Variants in ADAP2 observed in about 807,000 individuals in gnomAD.
ADAP2 encodes the protein arf-GAP with dual PH domain-containing protein 2.
In ADAP2, 42 loss-of-function variants were observed where a neutral mutation model predicts 54.9. The observed-to-expected ratio is 0.77, with a 90% CI of 0.60 to 0.99. The LOEUF (loss-of-function observed/expected upper bound fraction) is 0.99. ADAP2 is among the 50% of genes least tolerant of loss of function. ADAP2 has a pLI of 0.00. For missense variants in ADAP2, 429 were observed against 480.4 expected (o/e 0.89, Z 1.00); for synonymous variants, 177 against 180.1 (o/e 0.98, Z 0.14).
intron 5 of ADAP2, among the ~76,000 whole-genome samples, chr17:30,944,572 G>A (rs1912512058): frequency 6.6e-6 from 1 of 152,162 alleles, no homozygotes; most frequent in Admixed American, 6.5e-5. Context: ...CCACTCTCCT[G>A]CCTCAGTCTT....
chr17:30,939,450 G>T (rs1311517510), intron 5 of ADAP2, among the ~76,000 whole-genome samples: 1 of 114,134 alleles, frequency 8.8e-6, no homozygotes, highest in South Asian at 2.7e-4. Context: ...AAAAAAAAAA[G>T]CCCCAAGCTC....
chr17:30,934,567 A>G (rs1384779573), intron 5 of ADAP2, among the ~76,000 whole-genome samples: 1 of 152,228 alleles, frequency 6.6e-6, no homozygotes, highest in Non-Finnish European at 1.5e-5. Flanking sequence ...CACTTAAGAA[A>G]CATTTATTGA....
At chr17:30,932,789 C>G (rs1358905458) in intron 4 of ADAP2, among the ~76,000 whole-genome samples, 1 of 151,510 alleles carries the variant, frequency 6.6e-6, no homozygotes. Flanking sequence ...AGGCTGGTCT[C>G]GAACTCCTGA....
chr17:30,923,446 G>GT (rs1490235073), intron 2 of ADAP2, among the ~76,000 whole-genome samples: 1 of 151,190 alleles, frequency 6.6e-6, no homozygotes, highest in East Asian at 2.0e-4. Context: ...TTTGTACTTA[G>GT]TAGAGACGGG....
intron 2 of ADAP2, among the ~76,000 whole-genome samples, chr17:30,924,875 GT>G (rs369584931): frequency 2.0e-3 from 273 of 137,966 alleles, no homozygotes; most frequent in African/African-American, 5.3e-3. Flanking sequence ...TGTTTTTTTT[GT>G]TTTTTTTTTT....
chr17:30,932,895 G>A (rs1420165986), intron 4 of ADAP2, among the ~76,000 whole-genome samples: 1 of 152,114 alleles, frequency 6.6e-6, no homozygotes, highest in Non-Finnish European at 1.5e-5. Flanking sequence ...ATTGCAGAAA[G>A]ACTCCTCCAC....
chr17:30,954,151 AG>A (rs1904886199), intron 8 of ADAP2: 3 of 227,714 alleles, frequency 1.3e-5, no homozygotes, highest in Non-Finnish European at 2.7e-5. Context: ...CTTGCCAAGC[AG>A]TAGCCACTTC....
At chr17:30,943,142 G>T (rs1028984248) in intron 5 of ADAP2, among the ~76,000 whole-genome samples, 5 of 152,206 alleles carry the variant, frequency 3.3e-5, no homozygotes, top group African/African-American at 1.2e-4. Flanking sequence ...GAGGCCGGCG[G>T]ATCACCTGAG....
At position 30,944,940 on chromosome 17, in the gene ADAP2, G is replaced by A; in HGVS notation, c.544G>A (p.Asp182Asn). The A allele has an allele frequency of 6.2e-7, 1 of 1,614,092 alleles. No homozygotes were observed. Among genetic ancestry groups the A allele is most frequent in the Non-Finnish European group, 8.5e-7 (1 of 1,180,020 alleles). ...CCCCAAAGCTGTCATCAGCATTAAGGACTTGAATGCCACCTTCCAGACAGA... is the reference window on the plus strand; with the variant it reads ...CCCCAAAGCTGTCATCAGCATTAAGAACTTGAATGCCACCTTCCAGACAGA... ...KSPKAVISIK[D>N]LNATFQTEKI... Residue 182 changes from aspartate to asparagine, a missense_variant, in exon 6 of 11, where the codon GAC becomes AAC. Asp to Asn is a conservative substitution (Grantham distance 23, BLOSUM62 1). Coordinates refer to ENST00000330889, the MANE Select transcript of ADAP2 (RefSeq NM_018404.3).
intron 5 of ADAP2, among the ~76,000 whole-genome samples, chr17:30,939,272 G>C (rs1055868725): frequency 2.0e-5 from 3 of 152,046 alleles, no homozygotes; most frequent in African/African-American, 7.2e-5. Context: ...TCAGTCCTAC[G>C]CCAGTTCAGT....
intron 9 of ADAP2, among the ~76,000 whole-genome samples, chr17:30,955,355 A>T (rs1427178602): frequency 6.6e-6 from 1 of 151,912 alleles, no homozygotes; most frequent in Non-Finnish European, 1.5e-5. Context: ...AGACAGGAGG[A>T]TCGCTTGAGC....
intron 5 of ADAP2, among the ~76,000 whole-genome samples, chr17:30,944,301 A>G (rs6505220): frequency 6.6e-6 from 1 of 151,974 alleles, no homozygotes; most frequent in Non-Finnish European, 1.5e-5. Context: ...ATGTTCTAAC[A>G]TATAAATGGA....
In ADAP2 at chr17:30,949,748, C is replaced by CAAA. The variant is rs34131343; in HGVS notation, c.741+397_741+399dup. ...TGGGTGACAGAGTGAGACTCCGTCT[C>CAAA]AAAAAAAAAAAAAAAAAAAAAGAAG... is the stretch of plus-strand genomic sequence containing the variant. On this transcript the variant is annotated intron_variant, in intron 7 of 10. Transcript: ENST00000330889. Among the ~76,000 whole-genome samples the CAAA allele has an allele frequency of 8.1e-3, 493 of 61,156 alleles. 9 individuals are homozygous for CAAA. Among genetic ancestry groups the CAAA allele is most frequent in the African/African-American group, 0.021 (442 of 20,960 alleles). The allele number at this position is 61,156 out of a possible 152,430, so 40.1% of individuals were successfully genotyped here. A position where few individuals can be genotyped will look rare whatever the true frequency, so the allele number is the denominator to read the frequency against.
At chr17:30,926,271 A>G (rs887682145) in intron 2 of ADAP2, among the ~76,000 whole-genome samples, 1 of 152,116 alleles carries the variant, frequency 6.6e-6, no homozygotes, top group African/African-American at 2.4e-5. Flanking sequence ...TGCCAGGGCC[A>G]CTTTTGGTGC....
chr17:30,953,371 G>C, intron 8 of ADAP2, 21 bp downstream of exon 8: 1 of 1,610,350 alleles, frequency 6.2e-7, no homozygotes, highest in Non-Finnish European at 8.5e-7. Flanking sequence ...TCACTCCCTG[G>C]GGAACTTAAT....
chr17:30,932,086 C>T lies in ADAP2; in HGVS notation c.397+118C>T, dbSNP rs139542170. On this transcript the variant is annotated intron_variant, in intron 4 of 10. Transcript: ENST00000330889. Reference sequence around the variant, plus strand: ...AGATGCCTGCTGTTCTCACTGTGGCCGCAGAGGCCAAGGTGTGGGTTCTTC... The same window carrying T: ...AGATGCCTGCTGTTCTCACTGTGGCTGCAGAGGCCAAGGTGTGGGTTCTTC... The T allele has an allele frequency of 5.4e-3, 4,870 of 902,566 alleles. 16 individuals carry two copies. Among genetic ancestry groups the T allele is most frequent in the Non-Finnish European group, 7.2e-3 (4,204 of 581,892 alleles). 55.9% of individuals were successfully genotyped at this position (902,566 alleles called of 1,614,324 possible).
chr17:30,930,228 T>G (rs372856617), intron 3 of ADAP2, among the ~76,000 whole-genome samples: 4 of 151,930 alleles, frequency 2.6e-5, no homozygotes, highest in South Asian at 4.2e-4. Context: ...CGTGCCACCA[T>G]GCCCAGCTAA....
At chr17:30,929,929 C>T (rs1427891779) in intron 3 of ADAP2, among the ~76,000 whole-genome samples, 1 of 152,104 alleles carries the variant, frequency 6.6e-6, no homozygotes, top group Non-Finnish European at 1.5e-5. Flanking sequence ...CCAGGCTGGT[C>T]TCAAACTCCT....
chr17:30,935,119 C>A (rs917248425), intron 5 of ADAP2, among the ~76,000 whole-genome samples: 8 of 152,188 alleles, frequency 5.3e-5, no homozygotes, highest in African/African-American at 1.9e-4. Flanking sequence ...GTAATCCCAG[C>A]ACTTTGGGAG....
Sources: allele counts gnomAD v4.1 joint callset (sites outside exome capture counted in the v4.1 genomes callset), GRCh38; gene constraint gnomAD v4.1.1; transcripts MANE v1.5; gene names NCBI Gene and HGNC (gene_info 2026-07-23, HGNC 2026-07-21).